Variants in DLEU7 observed in about 807,000 individuals in gnomAD.
DLEU7 encodes leukemia-associated protein 7.
Under a neutral mutation model 16.0 loss-of-function variants are expected in DLEU7, and 17 were observed. The ratio of observed to expected loss-of-function variants is 1.06; its 90% CI spans 0.73 to 1.59. The LOEUF is 1.59. DLEU7 is among the 40% of genes most tolerant of loss of function. The pLI is 0.00. For synonymous variants in DLEU7, 113 were observed against 139.8 expected (o/e 0.81, Z 1.35); for missense variants, 308 against 314.9 (o/e 0.98, Z 0.17).
At chr13:50,738,959 TAATACACACACAC>T (rs1475189546) in intron 1 of DLEU7, among the ~76,000 whole-genome samples, 3 of 126,606 alleles carry the variant, frequency 2.4e-5, no homozygotes, top group Non-Finnish European at 3.4e-5. Flanking sequence ...CTCTAAAAAA[TAATACACACACAC>T]ACACACACAC....
intron 1 of DLEU7, among the ~76,000 whole-genome samples, chr13:50,716,544 A>C (rs1873443105): frequency 6.6e-6 from 1 of 152,206 alleles, no homozygotes; most frequent in African/African-American, 2.4e-5. Context: ...AGAGCATTAG[A>C]CTAGTTATTG....
chr13:50,830,215 G>T (rs887423617), intron 1 of DLEU7, among the ~76,000 whole-genome samples: 1 of 152,192 alleles, frequency 6.6e-6, no homozygotes, highest in African/African-American at 2.4e-5. Flanking sequence ...CAAATTGATG[G>T]CCAGCATTTA....
At chr13:50,781,968 G>A (rs1403394523) in intron 1 of DLEU7, among the ~76,000 whole-genome samples, 2 of 152,284 alleles carry the variant, frequency 1.3e-5, no homozygotes, top group East Asian at 1.9e-4. Flanking sequence ...CATTTAGTAT[G>A]TCCTTCTCCA....
At chr13:50,768,246 T>C (rs930659911) in intron 1 of DLEU7, among the ~76,000 whole-genome samples, 20 of 152,190 alleles carry the variant, frequency 1.3e-4, no homozygotes, top group Admixed American at 2.6e-4. Flanking sequence ...ATATTTGCTC[T>C]ATATAGAATT....
intron 1 of DLEU7, among the ~76,000 whole-genome samples, chr13:50,834,219 C>T (rs944913091): frequency 6.6e-6 from 1 of 152,076 alleles, no homozygotes; most frequent in African/African-American, 2.4e-5. Flanking sequence ...AGAGCTTCTG[C>T]ACAGCAAAAG....
chr13:50,804,456 A>T lies in DLEU7; in HGVS notation c.459+38732T>A, dbSNP rs1322750754. ...TCTGTTGTTGTTGTTTTTGTTTTTG[A>T]GACAGAGTCTCACTCTGTCACCCAG... On this transcript the variant is annotated intron_variant, in intron 1 of 1. Coordinates refer to the DLEU7 transcript ENST00000400393. Among the ~76,000 whole-genome samples, 3 of 148,700 alleles carry T rather than the reference A, an allele frequency of 2.0e-5. No homozygotes were observed. In the East Asian group the frequency reaches 6.0e-4, roughly 30 times the overall value.
rs556179193 is a variant in DLEU7, at chr13:50,753,056, C to T, written c.460-39816G>A. On this transcript the variant is annotated intron_variant, in intron 1 of 1. Coordinates refer to the DLEU7 transcript ENST00000400393. ...TGTTGACACAAAGTTTCTCCAAGTC[C>T]CCACCACAGTACCTAGATACAGAGT... Among the ~76,000 whole-genome samples the T allele has an allele frequency of 8.5e-5, 13 of 152,264 alleles. No individual in the cohort carries two copies. The East Asian group carries it at 2.5e-3, about 29-fold the overall frequency.
chr13:50,824,996 T>C (rs1877036452), intron 1 of DLEU7, among the ~76,000 whole-genome samples: 1 of 152,320 alleles, frequency 6.6e-6, no homozygotes, highest in South Asian at 2.1e-4. Flanking sequence ...GGGACCAGTT[T>C]TGCAGAAGAC....
chr13:50,725,710 A>G (rs1873745818), intron 1 of DLEU7, among the ~76,000 whole-genome samples: 1 of 152,176 alleles, frequency 6.6e-6, no homozygotes, highest in Admixed American at 6.5e-5. Context: ...CGCCGTGTCC[A>G]CCTACAGCCA....
chr13:50,780,410 C>T (rs144424515), intron 1 of DLEU7, among the ~76,000 whole-genome samples: 28 of 152,270 alleles, frequency 1.8e-4, no homozygotes, highest in Non-Finnish European at 1.9e-4. Flanking sequence ...TTTTTACTAA[C>T]GACTCATTTG....
At chr13:50,833,277 A>G (rs547039249) in intron 1 of DLEU7, among the ~76,000 whole-genome samples, 9 of 152,344 alleles carry the variant, frequency 5.9e-5, no homozygotes, top group African/African-American at 2.2e-4. Context: ...TGCAGATGAC[A>G]TGATTGTATA....
chr13:50,825,403 C>T lies in DLEU7; in HGVS notation c.460-1883G>A, dbSNP rs534477035. On this transcript the variant is annotated intron_variant, in intron 1 of 1. Coordinates refer to ENST00000504404, the MANE Select transcript of DLEU7 (RefSeq NM_001306135.2). ...ATGTGTCACCTTAATACTCATGTGT[C>T]ACCTTATTCTGGCTGGCATATAGTA... is the stretch of plus-strand genomic sequence containing the variant. Among the ~76,000 whole-genome samples, 6 of 152,164 alleles carry T rather than the reference C, an allele frequency of 3.9e-5. No homozygotes were observed. In the South Asian group the frequency reaches 1.2e-3, roughly 32 times the overall value.
chr13:50,723,415 TACACAC>T (rs35069706), intron 1 of DLEU7, among the ~76,000 whole-genome samples: 10 of 148,352 alleles, frequency 6.7e-5, no homozygotes, highest in South Asian at 2.2e-4. Flanking sequence ...ACAATAATTG[TACACAC>T]ACACACACAC....
chr13:50,711,772 C>CCGGAGGGG, downstream of DLEU7: 4 of 73,014 alleles, frequency 5.5e-5, no homozygotes, highest in Admixed American at 1.4e-4. Flanking sequence ...GACCCAGTGG[C>CCGGAGGGG]GGGGGCGGGG....
At chr13:50,778,251 A>G (rs1875559813) in intron 1 of DLEU7, among the ~76,000 whole-genome samples, 1 of 152,196 alleles carries the variant, frequency 6.6e-6, no homozygotes, top group Admixed American at 6.5e-5. Context: ...TAACCATCAT[A>G]TCTGGTGAGA....
chr13:50,774,516 T>A (rs1411217914), intron 1 of DLEU7, among the ~76,000 whole-genome samples: 1 of 152,228 alleles, frequency 6.6e-6, no homozygotes, highest in Non-Finnish European at 1.5e-5. Context: ...CTTCTTTCGA[T>A]GCTTTTAAGA....
At chr13:50,785,234 C>T (rs551185265) in intron 1 of DLEU7, among the ~76,000 whole-genome samples, 15 of 152,170 alleles carry the variant, frequency 9.9e-5, no homozygotes, top group Admixed American at 3.9e-4. Flanking sequence ...GAGATGGATG[C>T]ACCCGGAATC....
At chr13:50,737,773 T>G (rs2761852) in intron 1 of DLEU7, among the ~76,000 whole-genome samples, 14,031 of 152,026 alleles carry the variant, frequency 0.092, 673 homozygotes, top group East Asian at 0.15. Context: ...AACCCTACAG[T>G]GGCCTCTAAG....
At position 50,746,848 on chromosome 13, in the gene DLEU7, C is replaced by G. The variant is rs542416261; in HGVS notation, c.460-33608G>C. On this transcript the variant is annotated intron_variant, in intron 1 of 1. Coordinates refer to the DLEU7 transcript ENST00000400393. ...TTCAAACCCAAGCCTTGTCACTGAG[C>G]TGCAAGGCCTTGGGTGAGTTATCTG... Among the ~76,000 whole-genome samples the G allele has an allele frequency of 2.1e-3, 324 of 152,242 alleles. 1 individual carries two copies. The highest frequency in any genetic ancestry group is 7.5e-3 in the African/African-American group (313 of 41,534).
Sources: gnomAD v4.1 joint callset for allele counts (sites outside exome capture counted in the v4.1 genomes callset) on GRCh38, gnomAD v4.1.1 for gene constraint, MANE v1.5 for transcripts, NCBI Gene and HGNC (gene_info 2026-07-23, HGNC 2026-07-21) for gene names.